Variants in GAREM2 observed in about 807,000 individuals in gnomAD.
The protein encoded by GAREM2 is GRB2-associated and regulator of MAPK protein 2.
GAREM2 carries 30 observed loss-of-function variants against 55.6 expected under a neutral mutation model. That is an observed-to-expected ratio of 0.54 (90% CI 0.40 to 0.73). The LOEUF (loss-of-function observed/expected upper bound fraction) is 0.73, where lower values mean the gene tolerates loss of function less well. GAREM2 is among the 30% of genes least tolerant of loss of function. GAREM2 has a pLI of 0.00. For synonymous variants in GAREM2, 550 were observed against 569.1 expected, an observed-to-expected ratio of 0.97 and a Z score of 0.48; for missense variants, 1,075 against 1,257.7, an observed-to-expected ratio of 0.85 and a Z score of 2.20.
chr2:26,200,664 A>G, the GAREM2 span, among the ~76,000 whole-genome samples: 4 of 152,172 alleles, frequency 2.6e-5, no homozygotes, highest in Non-Finnish European at 4.4e-5. Context: ...TTTAGAATTT[A>G]GATTTGACCT....
chr2:26,192,464 C>T (rs768730391), downstream of GAREM2: 5 of 1,089,534 alleles, frequency 4.6e-6, no homozygotes, highest in South Asian at 5.0e-5. Context: ...TATTTGTTCT[C>T]AGGGAGGGAG....
rs372552496 is a variant in GAREM2, at chr2:26,186,256, G to A, written c.1496G>A (p.Arg499Gln). 8.1e-4 allele frequency: 1,251 copies of A among 1,549,836 alleles called. 13 individuals carry two copies. The South Asian group carries it at 0.014, about 17-fold the overall frequency. The change falls in exon 5 of 6, where the codon CGG becomes CAG. Residue 499 changes from arginine (R) to glutamine (Q), a missense_variant. By Grantham distance (43) the Arg-to-Gln change is conservative. Around this residue, in one of 6 missense-constraint regions of GAREM2, gnomAD observed 515 missense variants for 501.5 expected, o/e 1.03. Coordinates refer to ENST00000401533, the MANE Select transcript of GAREM2 (RefSeq NM_001168241.2). ...VPPRGGNGSG[R>Q]LSSSPPVPPR... ...CCCCGGGGTGGCAATGGCAGCGGCCGGCTCTCCAGCAGCCCCCCGGTTCCC... is the reference window on the plus strand; with the variant it reads ...CCCCGGGGTGGCAATGGCAGCGGCCAGCTCTCCAGCAGCCCCCCGGTTCCC...
intron 2 of GAREM2, chr2:26,182,557 A>C (rs1669086744): frequency 1.4e-6 from 2 of 1,473,282 alleles, no homozygotes; most frequent in African/African-American, 2.8e-5. Context: ...AGAGAGGGAA[A>C]GGAACTTGTC....
chr2:26,186,772 T>TC (rs1300594875), intron 5 of GAREM2, among the ~76,000 whole-genome samples: 10 of 152,250 alleles, frequency 6.6e-5, no homozygotes, highest in African/African-American at 2.4e-4. Flanking sequence ...GGTCAGGAGT[T>TC]CAAGACCAGC....
At position 26,188,263 on chromosome 2, in the gene GAREM2, C is replaced by CCAGCTGGAGCTGCA; in HGVS notation, c.*15_*28dup. 6.9e-7 allele frequency: 1 copy of CCAGCTGGAGCTGCA among 1,449,420 alleles called. No homozygotes were observed. The highest frequency in any genetic ancestry group is 9.2e-7 in the Non-Finnish European group (1 of 1,089,884). The allele number at this position is 1,449,420 out of a possible 1,614,324, so 89.8% of individuals were successfully genotyped here. The stretch of plus-strand genomic sequence containing the variant: ...GCTGGAGGCCCAAGATCTGAACTGC[C>CCAGCTGGAGCTGCA]CAGCTGGAGCTGCACAGCTGGAATG... On this transcript the variant is annotated 3_prime_UTR_variant, in exon 6 of 6. Coordinates refer to ENST00000401533, the MANE Select transcript of GAREM2 (RefSeq NM_001168241.2).
Position 26,184,738 on chromosome 2 carries a change from A to G in GAREM2, c.890A>G (p.Lys297Arg), listed in dbSNP as rs1442024787. Residue 297 changes from lysine (K) to arginine (R), a missense_variant, in exon 4 of 6, where the codon AAG becomes AGG. Coordinates refer to ENST00000401533, the MANE Select transcript of GAREM2 (RefSeq NM_001168241.2). The part of the protein sequence containing the change: ...HCYKLVSIIS[K>R]TVVLGLALRR... ...TACAAGCTGGTTAGCATCATCTCCA[A>G]GACGGTGGTGCTGGGGCTGGCGCTG... 9.2e-6 allele frequency: 14 copies of G among 1,517,754 alleles called. No individual in the cohort carries two copies. The highest frequency in any genetic ancestry group is 1.2e-5 in the Non-Finnish European group (14 of 1,136,796). 94.0% of individuals were successfully genotyped at this position (1,517,754 alleles called of 1,614,324 possible).
downstream of GAREM2, chr2:26,191,537 C>T: frequency 6.2e-7 from 1 of 1,614,214 alleles, no homozygotes; most frequent in Non-Finnish European, 8.5e-7. Flanking sequence ...TCTCCCTCTG[C>T]AGGTGTGGCC....
At chr2:26,173,776 G>T (rs1257282240) in intron 1 of GAREM2, among the ~76,000 whole-genome samples, 1 of 152,224 alleles carries the variant, frequency 6.6e-6, no homozygotes, top group East Asian at 1.9e-4. Context: ...GTCCTGCTCC[G>T]CCCCTCTGGG....
At position 26,182,851 on chromosome 2, in the gene GAREM2, G is replaced by A. The variant is rs1669097392; in HGVS notation, c.254-116G>A. ...GAAACCTGCCCTTTGGCCCTCCTGA[G>A]TTCCTGAGGGGCTGGCCGAGATTAT... On this transcript the variant is annotated intron_variant, in intron 2 of 5. Transcript: ENST00000401533. 2.6e-5 allele frequency: 35 copies of A among 1,328,724 alleles called. No homozygotes were observed. In the South Asian group the frequency reaches 2.7e-4, roughly 10 times the overall value. The allele number at this position is 1,328,724 out of a possible 1,614,324, so 82.3% of individuals were successfully genotyped here.
Position 26,184,628 on chromosome 2 carries a change from C to G in GAREM2, c.780C>G (p.Arg260=). ...ACACGGTGCGCGCCATCATCGAGCGCGTGAGGCTGCCGGTGAACGTGCTGG... is the reference window on the plus strand; with the variant it reads ...ACACGGTGCGCGCCATCATCGAGCGGGTGAGGCTGCCGGTGAACGTGCTGG... ...GEHTVRAIIE[R]VRLPVNVLVP... is the part of the protein sequence containing the mutation. Residue 260 remains arginine, a synonymous_variant, in exon 4 of 6, where the codon CGC becomes CGG. Transcript: ENST00000401533. 1 of 1,547,556 alleles carries G rather than the reference C, an allele frequency of 6.5e-7. No homozygotes were observed. The highest frequency in any genetic ancestry group is 1.2e-5 in the South Asian group (1 of 83,834).
At chr2:26,197,090 GT>G in the GAREM2 span, among the ~76,000 whole-genome samples, 3 of 152,226 alleles carry the variant, frequency 2.0e-5, no homozygotes, top group African/African-American at 7.2e-5. Context: ...CCTTCGGCTG[GT>G]TCTGGTTAGC....
chr2:26,173,415 A>C, intron 1 of GAREM2, 83 bp downstream of exon 1: 1 of 703,560 alleles, frequency 1.4e-6, no homozygotes. Flanking sequence ...GATCGTGAGG[A>C]GGGTGCGGCA....
At chr2:26,199,851 A>G in the GAREM2 span, among the ~76,000 whole-genome samples, 3 of 152,152 alleles carry the variant, frequency 2.0e-5, no homozygotes, top group African/African-American at 7.2e-5. Context: ...GGACTATGAG[A>G]GATGTGGGGG....
chr2:26,193,662 C>T (rs771364967), downstream of GAREM2: 70 of 1,614,038 alleles, frequency 4.3e-5, no homozygotes, highest in South Asian at 1.2e-4. Context: ...CCAGATCTTC[C>T]GCCACATGTT....
intron 4 of GAREM2, 95 bp from the exon 5 acceptor site, chr2:26,186,094 C>T (rs1669243785): frequency 4.8e-6 from 6 of 1,252,336 alleles, no homozygotes; most frequent in Non-Finnish European, 6.5e-6. Flanking sequence ...AAATGTCAGG[C>T]CCAGACAGCC....
intron 2 of GAREM2, among the ~76,000 whole-genome samples, 183 bp from the exon 3 acceptor site, chr2:26,182,784 G>A (rs1669095497): frequency 6.6e-6 from 1 of 152,174 alleles, no homozygotes. Flanking sequence ...ACCTTGCTGA[G>A]GCTGGAGCCA....
At chr2:26,192,251 A>C (rs985814004), downstream of GAREM2, 4 of 874,680 alleles carry the variant, frequency 4.6e-6, no homozygotes, top group Admixed American at 5.2e-5. Flanking sequence ...AGGGGCTGGG[A>C]AGCTTTGGGC....
At position 26,187,688 on chromosome 2, in the gene GAREM2, T is replaced by C. The variant is rs1262533799; in HGVS notation, c.2056T>C (p.Ser686Pro). ...TGCTCCCCCCTCCTCCTGCGCCCCC[T>C]CCTCCTCCTCTTCTTCTGAATGGCA... ...SAAPPSSCAP[S>P]SSSSSEWQEP... Residue 686 changes from serine to proline, a missense_variant, in exon 6 of 6, where the codon TCC (serine) becomes CCC (proline). By Grantham distance (74) the Ser-to-Pro change is moderately conservative. Transcript: ENST00000401533. 2.7e-6 allele frequency: 4 copies of C among 1,482,044 alleles called. No homozygotes were observed. The highest frequency in any genetic ancestry group is 2.9e-5 in the African/African-American group (2 of 70,070). The allele number at this position is 1,482,044 out of a possible 1,614,324, so 91.8% of individuals were successfully genotyped here.
chr2:26,183,157 C>A, intron 3 of GAREM2, 60 bp downstream of exon 3: 1 of 1,527,982 alleles, frequency 6.5e-7, no homozygotes, highest in African/African-American at 1.4e-5. Context: ...CAGGGGCAAC[C>A]CTGACTCTGG....
Sources: allele counts gnomAD v4.1 joint callset (sites outside exome capture counted in the v4.1 genomes callset), GRCh38; gene constraint gnomAD v4.1.1; regional missense constraint gnomAD v4.1.1; transcripts MANE v1.5; gene names NCBI Gene and HGNC (gene_info 2026-07-23, HGNC 2026-07-21).